The following FAM135B variants were observed in gnomAD, a reference collection of about 807,000 sequenced individuals.
The protein encoded by FAM135B is family with sequence similarity 135 member B.
FAM135B carries 43 observed loss-of-function variants against 127.7 expected under a neutral mutation model. The observed-to-expected ratio is 0.34, with a 90% confidence interval of 0.26 to 0.43. FAM135B has a LOEUF of 0.43. FAM135B is among the 20% of genes least tolerant of loss of function. FAM135B has a pLI of 1.00. For missense variants in FAM135B, 1,558 were observed against 1,725.6 expected (o/e 0.90, Z 1.72); for synonymous variants, 670 against 665.1 (o/e 1.01, Z -0.11).
intron 3 of FAM135B, among the ~76,000 whole-genome samples, chr8:138,284,862 G>C (rs1003067364): frequency 6.6e-6 from 1 of 151,850 alleles, no homozygotes; most frequent in Admixed American, 6.6e-5. Flanking sequence ...TTAAACTAAG[G>C]CCTCTGTAAA....
At position 138,246,390 on chromosome 8, in the gene FAM135B, T is replaced by C. The variant is rs548815623; in HGVS notation, c.543-3322A>G. Among the ~76,000 whole-genome samples the C allele has an allele frequency of 2.0e-4, 30 of 152,222 alleles. No homozygotes were observed. In the South Asian group the frequency reaches 5.2e-3, roughly 26 times the overall value. ...CAGGGCCCCCTTGCTGTGCACAGCC[T>C]AGGGACTTGGTGCCCTGTGTTCCAG... On this transcript the variant is annotated intron_variant, in intron 6 of 19. Coordinates refer to ENST00000395297, the MANE Select transcript of FAM135B (RefSeq NM_015912.4).
At chr8:138,178,329 T>C (rs749715969) in intron 10 of FAM135B, among the ~76,000 whole-genome samples, 1 of 151,952 alleles carries the variant, frequency 6.6e-6, no homozygotes, top group Non-Finnish European at 1.5e-5. Flanking sequence ...TCCTCTGAGA[T>C]TGCCAAGGCA....
chr8:138,376,598 T>C (rs1161234093), intron 1 of FAM135B, among the ~76,000 whole-genome samples: 3 of 152,208 alleles, frequency 2.0e-5, no homozygotes, highest in East Asian at 1.9e-4. Context: ...CAATGCTTTA[T>C]CCTCCCTCCC....
At chr8:138,495,259 TGA>T (rs1266092202) in intron 1 of FAM135B, among the ~76,000 whole-genome samples, 3 of 152,180 alleles carry the variant, frequency 2.0e-5, no homozygotes, top group African/African-American at 7.2e-5. Context: ...ATTCTCCAGA[TGA>T]GAGAAAGAAG....
At chr8:138,394,906 A>G (rs762991060) in intron 1 of FAM135B, among the ~76,000 whole-genome samples, 1 of 152,226 alleles carries the variant, frequency 6.6e-6, no homozygotes, top group Non-Finnish European at 1.5e-5. Context: ...AGGAAATAGG[A>G]TGACAGATTC....
chr8:138,339,042 T>C (rs1304281624), intron 2 of FAM135B, among the ~76,000 whole-genome samples: 3 of 140,526 alleles, frequency 2.1e-5, no homozygotes, highest in African/African-American at 2.7e-5. Flanking sequence ...TTCTCACTCA[T>C]AGGTAGGAAT....
rs554092773 is a variant in FAM135B, at chr8:138,145,316, A to G, written c.3540+643T>C. 2.6e-5 allele frequency among the ~76,000 whole-genome samples: 4 copies of G among 152,230 alleles called. No homozygotes were observed. In the East Asian group the frequency reaches 7.8e-4, roughly 30 times the overall value. ...TAGGTGCGAGCCACCGCGCCCAGCC[A>G]TCCTCTCTGAATACTGCATCAGATT... is the stretch of plus-strand genomic sequence containing the variant. On this transcript the variant is annotated intron_variant, in intron 15 of 19. Coordinates refer to ENST00000395297, the MANE Select transcript of FAM135B (RefSeq NM_015912.4).
intron 1 of FAM135B, among the ~76,000 whole-genome samples, chr8:138,406,490 C>T (rs1408375333): frequency 1.3e-5 from 2 of 151,164 alleles, no homozygotes; most frequent in Non-Finnish European, 2.9e-5. Context: ...CCTTGATGAA[C>T]ATTGATGCAA....
At chr8:138,143,252 T>C (rs1188366494) in intron 15 of FAM135B, 143 bp from the exon 16 acceptor site, 10 of 591,640 alleles carry the variant, frequency 1.7e-5, no homozygotes, top group Non-Finnish European at 2.1e-5. Context: ...GGATAAGATA[T>C]GACTTCAGGA....
chr8:138,453,276 C>T (rs1020423486), intron 1 of FAM135B, among the ~76,000 whole-genome samples: 3 of 152,138 alleles, frequency 2.0e-5, no homozygotes, highest in East Asian at 1.9e-4. Context: ...GAAAAGTTCA[C>T]ATTACAAACA....
intron 14 of FAM135B, among the ~76,000 whole-genome samples, chr8:138,147,129 G>T (rs1817722192): frequency 6.6e-6 from 1 of 151,994 alleles, no homozygotes; most frequent in Admixed American, 6.6e-5. Context: ...TCATAAAATG[G>T]TCATTTTTTT....
At chr8:138,176,193 G>A (rs1480533218) in intron 11 of FAM135B, among the ~76,000 whole-genome samples, 3 of 152,246 alleles carry the variant, frequency 2.0e-5, no homozygotes, top group African/African-American at 7.2e-5. Context: ...TCTTCCAGGA[G>A]AGCAGTTGTC....
intron 11 of FAM135B, among the ~76,000 whole-genome samples, chr8:138,171,400 CT>C (rs1207329766): frequency 1.3e-5 from 2 of 152,280 alleles, no homozygotes; most frequent in East Asian, 3.9e-4. Flanking sequence ...GTGATGTCCA[CT>C]TACCCTGCTC....
intron 12 of FAM135B, among the ~76,000 whole-genome samples, chr8:138,164,828 G>A (rs1819751871): frequency 1.3e-5 from 2 of 152,182 alleles, no homozygotes; most frequent in African/African-American, 4.8e-5. Flanking sequence ...ACGGGTGCAT[G>A]TCCTCAACCT....
chr8:138,443,901 A>T (rs1042385519), intron 1 of FAM135B, among the ~76,000 whole-genome samples: 1 of 152,340 alleles, frequency 6.6e-6, no homozygotes, highest in East Asian at 1.9e-4. Flanking sequence ...TGTATTCAGG[A>T]AACCTACCTC....
At chr8:138,176,040 G>T (rs1186041712) in intron 11 of FAM135B, among the ~76,000 whole-genome samples, 1 of 152,154 alleles carries the variant, frequency 6.6e-6, no homozygotes, top group Non-Finnish European at 1.5e-5. Context: ...GAGACTGGAT[G>T]GGGGTGAGAA....
chr8:138,180,793 G>C (rs1814947330), intron 9 of FAM135B, among the ~76,000 whole-genome samples: 1 of 152,164 alleles, frequency 6.6e-6, no homozygotes, highest in South Asian at 2.1e-4. Flanking sequence ...AGTCTGTGAT[G>C]ATGACACAAG....
intron 5 of FAM135B, among the ~76,000 whole-genome samples, chr8:138,254,093 T>C (rs1016645763): frequency 1.3e-5 from 2 of 152,188 alleles, no homozygotes; most frequent in Non-Finnish European, 2.9e-5. Context: ...ATTCATCAGA[T>C]TGCGTACTTG....
At chr8:138,432,923 CA>C (rs1587441510) in intron 1 of FAM135B, among the ~76,000 whole-genome samples, 1 of 152,026 alleles carries the variant, frequency 6.6e-6, no homozygotes, top group African/African-American at 2.4e-5. Context: ...GGTACCCAAC[CA>C]AAAGGCACAC....
Sources: allele counts gnomAD v4.1 joint callset (sites outside exome capture counted in the v4.1 genomes callset), GRCh38; gene constraint gnomAD v4.1.1; transcripts MANE v1.5; gene names NCBI Gene and HGNC (gene_info 2026-07-23, HGNC 2026-07-21).